The following RSU1 variants were observed in gnomAD, a reference collection of about 807,000 sequenced individuals.
RSU1 encodes the protein Ras suppressor protein 1, also known as rsu-1.
Under a neutral mutation model 31.1 loss-of-function variants are expected in RSU1, and 26 were observed. That is an observed-to-expected ratio of 0.84 (90% confidence interval 0.61 to 1.16). The LOEUF (loss-of-function observed/expected upper bound fraction) is 1.16. RSU1 is among the 50% of genes most tolerant of loss of function. The pLI is 0.00. For missense variants in RSU1, 320 were observed against 339.1 expected, an observed-to-expected ratio of 0.94 and a Z score of 0.44; for synonymous variants, 164 against 136.3, an observed-to-expected ratio of 1.20 and a Z score of -1.41.
intron 7 of RSU1, among the ~76,000 whole-genome samples, chr10:16,702,640 G>C (rs976381830): frequency 3.3e-5 from 5 of 152,222 alleles, no homozygotes; most frequent in Admixed American, 6.5e-5. Context: ...ACTGGAACAG[G>C]AGTATTTACC....
intron 8 of RSU1, among the ~76,000 whole-genome samples, chr10:16,623,497 G>A (rs1834106389): frequency 6.6e-6 from 1 of 152,210 alleles, no homozygotes; most frequent in African/African-American, 2.4e-5. Context: ...AAACACACGA[G>A]TGTATGTGTC....
intron 8 of RSU1, among the ~76,000 whole-genome samples, chr10:16,595,890 A>G (rs1210447813): frequency 6.6e-6 from 1 of 151,974 alleles, no homozygotes; most frequent in East Asian, 1.9e-4. Context: ...AATTACTTGA[A>G]CCTGGGAGGC....
chr10:16,652,589 G>C (rs1017156236), intron 8 of RSU1, among the ~76,000 whole-genome samples: 1 of 152,000 alleles, frequency 6.6e-6, no homozygotes. Context: ...CTGTACAAAT[G>C]TATGTAAATT....
chr10:16,694,583 T>C (rs1835634925), intron 8 of RSU1, among the ~76,000 whole-genome samples: 1 of 152,150 alleles, frequency 6.6e-6, no homozygotes, highest in South Asian at 2.1e-4. Context: ...TCTTGTTTTT[T>C]TCTTTTGAGA....
chr10:16,609,019 G>T (rs1388764112), intron 8 of RSU1, among the ~76,000 whole-genome samples: 5 of 151,870 alleles, frequency 3.3e-5, no homozygotes, highest in Admixed American at 2.6e-4. Flanking sequence ...ATTTTGTAGA[G>T]ATAGGGCCTT....
At chr10:16,616,659 G>A (rs546440910) in intron 8 of RSU1, among the ~76,000 whole-genome samples, 20 of 152,066 alleles carry the variant, frequency 1.3e-4, no homozygotes, top group African/African-American at 2.4e-4. Flanking sequence ...ATCAAAAAGC[G>A]TATCCACCAA....
chr10:16,764,383 T>C lies in RSU1; in HGVS notation c.281+7A>G, dbSNP rs376743821. 11 of 1,610,196 alleles carry C rather than the reference T, an allele frequency of 6.8e-6. No individual in the cohort carries two copies. The African/African-American group carries it at 1.3e-4, about 20-fold the overall frequency. On this transcript the variant is annotated splice_region_variant and intron_variant, in intron 4 of 8. Coordinates refer to ENST00000345264, the MANE Select transcript of RSU1 (RefSeq NM_012425.4). ...CTCTCCATCCTTTCCGCTCCACTGA[T>C]ACTCACCCAAGGTTCAGGTGTTTGA...
rs561126629 is a variant in RSU1 at position 16,746,190 on chromosome 10, T to C, written c.598+6349A>G. Among the ~76,000 whole-genome samples the C allele has an allele frequency of 4.6e-5, 7 of 152,280 alleles. No homozygotes were observed. In the East Asian group the frequency reaches 7.7e-4, roughly 17 times the overall value. On this transcript the variant is annotated intron_variant, in intron 7 of 8. Transcript: ENST00000345264. The stretch of plus-strand genomic sequence containing the variant: ...TTGTTTCCACTCTTCACAAGTATGC[T>C]AGAAAATACTATGCTTCTCATAGTT...
intron 2 of RSU1, among the ~76,000 whole-genome samples, chr10:16,800,255 C>T (rs368760818): frequency 3.3e-5 from 5 of 152,256 alleles, no homozygotes; most frequent in African/African-American, 1.2e-4. Context: ...AAGAAGCACA[C>T]TCGGATATGG....
At chr10:16,783,381 G>C (rs1397177445) in intron 2 of RSU1, among the ~76,000 whole-genome samples, 1 of 60,502 alleles carries the variant, frequency 1.7e-5, no homozygotes, top group Non-Finnish European at 2.7e-5. Flanking sequence ...TTTTGAGACT[G>C]AGTCTCACTC....
chr10:16,791,744 T>G (rs1463402348), intron 2 of RSU1, among the ~76,000 whole-genome samples: 1 of 152,192 alleles, frequency 6.6e-6, no homozygotes, highest in Admixed American at 6.5e-5. Context: ...AGGTCCCGCT[T>G]TTTCCTCTTC....
At chr10:16,792,301 C>T (rs1163299453) in intron 2 of RSU1, among the ~76,000 whole-genome samples, 2 of 152,222 alleles carry the variant, frequency 1.3e-5, no homozygotes, top group Admixed American at 6.5e-5. Context: ...GGCACAGTCT[C>T]GGCTCACTAC....
intron 7 of RSU1, among the ~76,000 whole-genome samples, chr10:16,724,818 G>C (rs536799505): frequency 7.9e-5 from 12 of 152,328 alleles, no homozygotes; most frequent in Non-Finnish European, 1.3e-4. Flanking sequence ...CTGACACACA[G>C]ATAATTCACA....
At chr10:16,694,953 T>C in intron 8 of RSU1, 70 bp downstream of exon 8, 1 of 1,417,352 alleles carries the variant, frequency 7.1e-7, no homozygotes, top group Non-Finnish European at 9.7e-7. Context: ...TCACATAATA[T>C]TTTTAAAGGC....
intron 7 of RSU1, among the ~76,000 whole-genome samples, chr10:16,725,505 G>T (rs1836375052): frequency 6.6e-6 from 1 of 152,098 alleles, no homozygotes; most frequent in African/African-American, 2.4e-5. Context: ...CTTGAGCGGG[G>T]GGCCTTCAGG....
At chr10:16,695,306 G>T in intron 7 of RSU1, 151 bp from the exon 8 acceptor site, 1 of 659,098 alleles carries the variant, frequency 1.5e-6, no homozygotes, top group Non-Finnish European at 2.4e-6. Context: ...CTTAACCCAA[G>T]TCATCACAGG....
intron 7 of RSU1, among the ~76,000 whole-genome samples, chr10:16,721,897 T>C (rs1836271609): frequency 6.6e-6 from 1 of 152,154 alleles, no homozygotes; most frequent in African/African-American, 2.4e-5. Flanking sequence ...GATTAAAACA[T>C]CAATGTAAAG....
intron 7 of RSU1, among the ~76,000 whole-genome samples, chr10:16,700,580 AT>A (rs1394395276): frequency 6.6e-6 from 1 of 152,256 alleles, no homozygotes; most frequent in African/African-American, 2.4e-5. Context: ...AGTCTCCATA[AT>A]TCTCATTATC....
intron 4 of RSU1, among the ~76,000 whole-genome samples, chr10:16,760,516 A>G (rs3780982): frequency 0.034 from 4,997 of 144,910 alleles, 146 homozygotes; most frequent in East Asian, 0.11. Flanking sequence ...TCTCAAAAAA[A>G]GAAAAAAAAA....
Sources: allele counts gnomAD v4.1 joint callset (sites outside exome capture counted in the v4.1 genomes callset), GRCh38; gene constraint gnomAD v4.1.1; transcripts MANE v1.5; gene names NCBI Gene and HGNC (gene_info 2026-07-23, HGNC 2026-07-21).